The following FGF18 variants were observed in gnomAD, a reference collection of about 807,000 sequenced individuals.
FGF18 encodes fibroblast growth factor 18.
A neutral mutation model predicts 23.0 loss-of-function variants in FGF18; 5 were observed. The observed-to-expected ratio is 0.22, with a 90% CI of 0.11 to 0.46. FGF18 has a LOEUF of 0.46. Among genes scored for constraint, FGF18 ranks in the 20% least tolerant of loss-of-function variants. The probability of loss-of-function intolerance (pLI) is 0.99; values close to 1 mark genes in which losing one functional copy is unlikely to be tolerated. For synonymous variants in FGF18, 117 were observed against 118.9 expected, an observed-to-expected ratio of 0.98 and a Z score of 0.10; for missense variants, 180 against 291.6, an observed-to-expected ratio of 0.62 and a Z score of 2.79.
chr5:171,420,265 C>T (rs1771983284), intron 1 of FGF18, 34 bp downstream of exon 1: 1 of 1,599,378 alleles, frequency 6.3e-7, no homozygotes, highest in African/African-American at 1.3e-5. Flanking sequence ...CCCACCTTGC[C>T]TGGCTGTCTG....
intron 3 of FGF18, among the ~76,000 whole-genome samples, chr5:171,446,761 C>T (rs1009328743): frequency 1.3e-5 from 2 of 152,108 alleles, no homozygotes; most frequent in African/African-American, 2.4e-5. Flanking sequence ...AACTGAGGCT[C>T]AGAGTGGGGT....
intron 4 of FGF18, among the ~76,000 whole-genome samples, chr5:171,452,168 C>T (rs916011635): frequency 3.9e-5 from 6 of 152,246 alleles, no homozygotes; most frequent in Non-Finnish European, 8.8e-5. Context: ...CCTTGCTGAG[C>T]CTCAGCGTCG....
intron 4 of FGF18, among the ~76,000 whole-genome samples, chr5:171,455,474 A>G (rs1191181217): frequency 2.6e-5 from 4 of 152,198 alleles, no homozygotes; most frequent in African/African-American, 9.7e-5. Flanking sequence ...ACACAGTATC[A>G]CCTGTTTTAA....
Position 171,451,588 on chromosome 5 carries a change from C to T in FGF18, c.357+2335C>T, listed in dbSNP as rs1772509228. 2.0e-5 allele frequency among the ~76,000 whole-genome samples: 3 copies of T among 152,228 alleles called. No individual in the cohort carries two copies. Among genetic ancestry groups the T allele is most frequent in the Non-Finnish European group, 2.9e-5 (2 of 68,028 alleles). ...CAGGCCTTTCCCCGCTGCCCACCTT[C>T]GGCTTTCTACAGCACATACGGCATT... On this transcript the variant is annotated intron_variant, in intron 4 of 4. Coordinates refer to ENST00000274625, the MANE Select transcript of FGF18 (RefSeq NM_003862.3). The surrounding 1 kb of genome is among the most constrained non-coding windows in gnomAD (Gnocchi z 4.5).
At chr5:171,429,240 C>T (rs960266244) in intron 2 of FGF18, among the ~76,000 whole-genome samples, 7 of 152,210 alleles carry the variant, frequency 4.6e-5, no homozygotes, top group Non-Finnish European at 5.9e-5. Flanking sequence ...GGGTTCAGAT[C>T]GTGGCTCTTT....
intron 2 of FGF18, among the ~76,000 whole-genome samples, chr5:171,421,031 C>A (rs1771997730): frequency 6.6e-6 from 1 of 152,248 alleles, no homozygotes; most frequent in African/African-American, 2.4e-5. Flanking sequence ...GCTCCGCACT[C>A]CCTCGCCTAA....
chr5:171,426,296 C>T (rs1327378319), intron 2 of FGF18, among the ~76,000 whole-genome samples: 1 of 152,130 alleles, frequency 6.6e-6, no homozygotes, highest in Admixed American at 6.5e-5. Context: ...GCTGCCTTGT[C>T]GTCACTGTGG....
rs1421850479 is a variant in FGF18, at chr5:171,451,273, A to G, written c.357+2020A>G. 1.4e-5 allele frequency among the ~76,000 whole-genome samples: 2 copies of G among 147,744 alleles called. No individual in the cohort carries two copies. Among genetic ancestry groups the G allele is most frequent in the Non-Finnish European group, 3.0e-5 (2 of 66,920 alleles). ...CGCCCAGGCCTCCACGCCCGACCCC[A>G]ACCCTTGCCAGCCTCCTGTCTTCTG... On this transcript the variant is annotated intron_variant, in intron 4 of 4. Coordinates refer to ENST00000274625, the MANE Select transcript of FGF18 (RefSeq NM_003862.3). This position sits in a 1 kb window ranked among gnomAD's most constrained non-coding sequence, Gnocchi z 4.5.
chr5:171,427,918 G>C (rs117959311), intron 2 of FGF18, among the ~76,000 whole-genome samples: 1 of 152,302 alleles, frequency 6.6e-6, no homozygotes, highest in East Asian at 1.9e-4. Context: ...GCACGCTTCA[G>C]TTGGCCGTGT....
chr5:171,449,104 C>T (rs953315108), intron 3 of FGF18, 43 bp from the exon 4 acceptor site: 77 of 1,431,996 alleles, frequency 5.4e-5, no homozygotes, highest in Non-Finnish European at 7.1e-5. Flanking sequence ...AGCCATTGCC[C>T]CTGGTAATAA....
At chr5:171,439,879 T>G (rs759728038) in intron 3 of FGF18, among the ~76,000 whole-genome samples, 3 of 152,082 alleles carry the variant, frequency 2.0e-5, no homozygotes, top group Non-Finnish European at 2.9e-5. Context: ...AAAAAAAGAT[T>G]TCTCTGTTTG....
At chr5:171,454,574 G>A (rs562427037) in intron 4 of FGF18, among the ~76,000 whole-genome samples, 4 of 152,344 alleles carry the variant, frequency 2.6e-5, no homozygotes, top group South Asian at 4.1e-4. Flanking sequence ...CTTCCAGAGA[G>A]TGTTTTCTTA....
At chr5:171,425,990 C>T (rs915150759) in intron 2 of FGF18, among the ~76,000 whole-genome samples, 2 of 152,164 alleles carry the variant, frequency 1.3e-5, no homozygotes, top group African/African-American at 2.4e-5. Flanking sequence ...CTGTGTCTGT[C>T]CGGCTCTAGG....
At chr5:171,421,500 T>TAGC (rs1772006366) in intron 2 of FGF18, among the ~76,000 whole-genome samples, 4 of 152,108 alleles carry the variant, frequency 2.6e-5, no homozygotes, top group South Asian at 2.1e-4. Context: ...TAGAGAAGAT[T>TAGC]CTTAGACCTT....
chr5:171,443,375 C>T (rs554564627), intron 3 of FGF18, among the ~76,000 whole-genome samples: 1 of 152,294 alleles, frequency 6.6e-6, no homozygotes, highest in South Asian at 2.1e-4. Flanking sequence ...AGGTGATGTG[C>T]CCACCTTGGC....
intron 3 of FGF18, among the ~76,000 whole-genome samples, chr5:171,443,762 C>T (rs936068693): frequency 6.6e-6 from 1 of 152,084 alleles, no homozygotes; most frequent in Non-Finnish European, 1.5e-5. Flanking sequence ...ACTCTTTCCC[C>T]CTTTGCTGCT....
intron 2 of FGF18, 56 bp downstream of exon 2, chr5:171,420,499 A>AC (rs1771987731): frequency 5.2e-6 from 8 of 1,532,122 alleles, no homozygotes; most frequent in Non-Finnish European, 6.3e-6. Flanking sequence ...GTACACGCCG[A>AC]CCCCCCTTCC....
chr5:171,445,281 A>C lies in FGF18; in HGVS notation c.251-3866A>C, dbSNP rs1772402044. On this transcript the variant is annotated intron_variant, in intron 3 of 4. Coordinates refer to ENST00000274625, the MANE Select transcript of FGF18 (RefSeq NM_003862.3). ...GTGCCCTTTGCGGGTCCCATTGAAGAGTTTACATGTTCTTCTATGTGGGTT... is the reference window on the plus strand; with the variant it reads ...GTGCCCTTTGCGGGTCCCATTGAAGCGTTTACATGTTCTTCTATGTGGGTT... 5.3e-5 allele frequency among the ~76,000 whole-genome samples: 8 copies of C among 152,124 alleles called. No homozygotes were observed. In the South Asian group the frequency reaches 1.7e-3, roughly 32 times the overall value.
In FGF18 at chr5:171,451,913, A is replaced by G. The variant is rs548641111; in HGVS notation, c.357+2660A>G. Among the ~76,000 whole-genome samples, 1 of 151,730 alleles carries G rather than the reference A, an allele frequency of 6.6e-6. No homozygotes were observed. The highest frequency in any genetic ancestry group is 2.1e-4 in the South Asian group (1 of 4,780). The stretch of plus-strand genomic sequence containing the variant: ...ACCCCGGAGCCCCACAGTCCCTCGC[A>G]CAGCCCTCTGTTGCCTGTCTGCTAA... On this transcript the variant is annotated intron_variant, in intron 4 of 4. Transcript: ENST00000274625. This position sits in a 1 kb window ranked among gnomAD's most constrained non-coding sequence, Gnocchi z 4.5.
Sources: gnomAD v4.1 joint callset for allele counts (sites outside exome capture counted in the v4.1 genomes callset) on GRCh38, gnomAD v4.1.1 for gene constraint, Gnocchi (gnomAD v3.1) non-coding constraint, MANE v1.5 for transcripts, NCBI Gene and HGNC (gene_info 2026-07-23, HGNC 2026-07-21) for gene names.